SLCO3A1: variants seen among roughly 807,000 people sequenced by gnomAD.
SLCO3A1 encodes the protein solute carrier organic anion transporter family member 3A1, also known as PGE1 transporter.
In SLCO3A1, 27 loss-of-function variants were observed where a neutral mutation model predicts 63.1. The observed-to-expected ratio is 0.43, with a 90% CI of 0.32 to 0.59. The LOEUF (loss-of-function observed/expected upper bound fraction) is 0.59, where lower values mean the gene tolerates loss of function less well. SLCO3A1 is among the 20% of genes least tolerant of loss of function. The probability of loss-of-function intolerance (pLI) is 0.09; values close to 1 mark genes in which losing one functional copy is unlikely to be tolerated. For synonymous variants in SLCO3A1, 473 were observed against 409.9 expected (o/e 1.15, Z -1.86); for missense variants, 773 against 945.8 (o/e 0.82, Z 2.40).
At chr15:92,117,699 C>G (rs1320810992) in intron 4 of SLCO3A1, among the ~76,000 whole-genome samples, 1 of 152,174 alleles carries the variant, frequency 6.6e-6, no homozygotes, top group African/African-American at 2.4e-5. Context: ...GCCACAGGTA[C>G]ACTACACCAT....
At chr15:92,048,684 A>C (rs1016765056) in intron 2 of SLCO3A1, among the ~76,000 whole-genome samples, 1 of 152,162 alleles carries the variant, frequency 6.6e-6, no homozygotes, top group East Asian at 1.9e-4. Flanking sequence ...GGATCACCAG[A>C]GGTCAGGAGT....
At chr15:92,087,171 AC>A (rs1190340564) in intron 2 of SLCO3A1, among the ~76,000 whole-genome samples, 3 of 30,502 alleles carry the variant, frequency 9.8e-5, no homozygotes, top group Non-Finnish European at 2.2e-4. Context: ...CCCTCCGCCC[AC>A]CGCCTATAGT....
Position 92,142,727 on chromosome 15 carries a change from G to A in SLCO3A1, c.1513-4257G>A, listed in dbSNP as rs565897693. The stretch of plus-strand genomic sequence containing the variant: ...GACACATTTAGCTCACCCGGATGGG[G>A]CTGTGCAGGCACCGTGCCAGCTGTA... On this transcript the variant is annotated intron_variant, in intron 7 of 9. Coordinates refer to ENST00000318445, the MANE Select transcript of SLCO3A1 (RefSeq NM_013272.4). 3.3e-5 allele frequency among the ~76,000 whole-genome samples: 5 copies of A among 152,250 alleles called. No individual in the cohort carries two copies. In the South Asian group the frequency reaches 8.3e-4, roughly 25 times the overall value.
chr15:92,164,428 C>T lies in SLCO3A1; in HGVS notation c.*1293C>T, dbSNP rs556126610. 2 of 985,408 alleles carry T rather than the reference C, an allele frequency of 2.0e-6. No homozygotes were observed. The highest frequency in any genetic ancestry group is 9.4e-5 in the South Asian group (2 of 21,282). 61.0% of individuals were successfully genotyped at this position (985,408 alleles called of 1,614,324 possible). On this transcript the variant is annotated 3_prime_UTR_variant, in exon 10 of 10. Transcript: ENST00000318445. ...GCAAATTTGCCTTTTAGCTTCCTTC[C>T]CCATGATTCAGTGATCACTGTCACG... is the stretch of plus-strand genomic sequence containing the variant.
In SLCO3A1 at chr15:91,882,253, C is replaced by G. The variant is rs1897607064; in HGVS notation, c.180+28165C>G. 6.6e-6 allele frequency among the ~76,000 whole-genome samples: 1 copy of G among 152,140 alleles called. No individual in the cohort carries two copies. The highest frequency in any genetic ancestry group is 1.5e-5 in the Non-Finnish European group (1 of 68,014). On this transcript the variant is annotated intron_variant, in intron 1 of 9. Transcript: ENST00000318445. The surrounding 1 kb of genome is among the most constrained non-coding windows in gnomAD (Gnocchi z 4.4). ...GTGTGAGGATGGGAAGTTTATGTCT[C>G]CCTTCTCAAGCACGCAGTCAGGATG... is the stretch of plus-strand genomic sequence containing the variant.
rs2141842683 is a variant in SLCO3A1, at chr15:91,863,827, A to G, written c.180+9739A>G. On this transcript the variant is annotated intron_variant, in intron 1 of 9. Coordinates refer to ENST00000318445, the MANE Select transcript of SLCO3A1 (RefSeq NM_013272.4). The surrounding 1 kb of genome is among the most constrained non-coding windows in gnomAD (Gnocchi z 4.3). Reference sequence around the variant, plus strand: ...GTGTGGCATGTCGTGTCGCCTCCCCAGTGCTGGTACATACTTTGTAGGTTG... The same window carrying G: ...GTGTGGCATGTCGTGTCGCCTCCCCGGTGCTGGTACATACTTTGTAGGTTG... 6.6e-6 allele frequency among the ~76,000 whole-genome samples: 1 copy of G among 152,358 alleles called. No homozygotes were observed. Among genetic ancestry groups the G allele is most frequent in the South Asian group, 2.1e-4 (1 of 4,832 alleles).
intron 2 of SLCO3A1, among the ~76,000 whole-genome samples, chr15:91,995,188 A>G (rs2046176029): frequency 6.6e-6 from 1 of 152,060 alleles, no homozygotes; most frequent in Non-Finnish European, 1.5e-5. Flanking sequence ...ATGCTGTTGG[A>G]TGTGGGTGGT....
chr15:91,999,492 A>G (rs1274579294), intron 2 of SLCO3A1, among the ~76,000 whole-genome samples: 1 of 152,224 alleles, frequency 6.6e-6, no homozygotes, highest in East Asian at 1.9e-4. Context: ...AGCATAAAAA[A>G]CATGCGCAAC....
chr15:92,067,226 T>A (rs1043458008), intron 2 of SLCO3A1, among the ~76,000 whole-genome samples: 3 of 152,028 alleles, frequency 2.0e-5, no homozygotes, highest in Admixed American at 6.5e-5. Context: ...CATGCAGGGG[T>A]AGGAGGATGT....
At chr15:92,063,102 A>G (rs1405995665) in intron 2 of SLCO3A1, among the ~76,000 whole-genome samples, 3 of 152,252 alleles carry the variant, frequency 2.0e-5, no homozygotes, top group African/African-American at 7.2e-5. Flanking sequence ...CTGCTTATAA[A>G]TACTAAGCTC....
At chr15:92,146,431 A>G (rs1358771773) in intron 7 of SLCO3A1, among the ~76,000 whole-genome samples, 3 of 152,194 alleles carry the variant, frequency 2.0e-5, no homozygotes, top group Non-Finnish European at 4.4e-5. Flanking sequence ...TTGCTTCCTC[A>G]GCCTCCAGAG....
intron 4 of SLCO3A1, among the ~76,000 whole-genome samples, chr15:92,118,623 A>T (rs2047824361): frequency 6.6e-6 from 1 of 152,206 alleles, no homozygotes; most frequent in South Asian, 2.1e-4. Flanking sequence ...ATTGAGCCTG[A>T]TAATTAGCTC....
intron 2 of SLCO3A1, among the ~76,000 whole-genome samples, chr15:91,966,824 A>C (rs927465796): frequency 2.6e-5 from 4 of 152,218 alleles, no homozygotes; most frequent in Non-Finnish European, 5.9e-5. Context: ...GGTGATTTCA[A>C]CTTGAAGCAG....
intron 3 of SLCO3A1, among the ~76,000 whole-genome samples, chr15:92,101,501 C>G (rs1415405434): frequency 6.6e-6 from 1 of 151,914 alleles, no homozygotes; most frequent in Non-Finnish European, 1.5e-5. Context: ...AGAGCGAGAT[C>G]CACCTCAAAA....
intron 1 of SLCO3A1, among the ~76,000 whole-genome samples, chr15:91,861,339 C>G (rs1454356127): frequency 6.6e-6 from 1 of 152,172 alleles, no homozygotes; most frequent in Non-Finnish European, 1.5e-5. Flanking sequence ...TACACAGAAC[C>G]TCAGCAGTTG....
chr15:92,112,854 C>T (rs547970086), intron 4 of SLCO3A1, among the ~76,000 whole-genome samples: 7 of 152,324 alleles, frequency 4.6e-5, no homozygotes, highest in African/African-American at 7.2e-5. Context: ...TTATGTCCAT[C>T]GGGTATTTCA....
chr15:91,872,169 C>T lies in SLCO3A1; in HGVS notation c.180+18081C>T, dbSNP rs992400922. Among the ~76,000 whole-genome samples, 1 of 152,128 alleles carries T rather than the reference C, an allele frequency of 6.6e-6. No individual in the cohort carries two copies. Among genetic ancestry groups the T allele is most frequent in the African/African-American group, 2.4e-5 (1 of 41,418 alleles). On this transcript the variant is annotated intron_variant, in intron 1 of 9. Transcript: ENST00000318445. The surrounding 1 kb of genome is among the most constrained non-coding windows in gnomAD (Gnocchi z 4.1). The stretch of plus-strand genomic sequence containing the variant: ...CAAGCAGTCTGATCGAACTCTCACA[C>T]AAATCCCATGCAGTAGATGTCATTA...
At chr15:91,901,238 A>G (rs1898147954) in intron 1 of SLCO3A1, among the ~76,000 whole-genome samples, 1 of 152,202 alleles carries the variant, frequency 6.6e-6, no homozygotes, top group African/African-American at 2.4e-5. Flanking sequence ...TCTCTAGAAC[A>G]TGGAAACTTT....
At chr15:92,063,122 G>A (rs1355279645) in intron 2 of SLCO3A1, among the ~76,000 whole-genome samples, 1 of 152,238 alleles carries the variant, frequency 6.6e-6, no homozygotes, top group Non-Finnish European at 1.5e-5. Flanking sequence ...CCAGGCTAGA[G>A]GGAATTTATC....
Sources: allele counts gnomAD v4.1 joint callset (sites outside exome capture counted in the v4.1 genomes callset), GRCh38; gene constraint gnomAD v4.1.1; non-coding constraint Gnocchi (gnomAD v3.1); transcripts MANE v1.5; gene names NCBI Gene and HGNC (gene_info 2026-07-23, HGNC 2026-07-21).